The following KCND3 variants were observed in gnomAD, a reference collection of about 807,000 sequenced individuals.
The protein encoded by KCND3 is potassium voltage-gated channel subfamily D member 3.
In KCND3, 9 loss-of-function variants were observed where a neutral mutation model predicts 51.1. The observed-to-expected ratio is 0.18, with a 90% CI of 0.11 to 0.31. The LOEUF (loss-of-function observed/expected upper bound fraction) is 0.31. Among genes scored for constraint, KCND3 ranks in the 10% least tolerant of loss-of-function variants. The pLI is 1.00. For synonymous variants in KCND3, 349 were observed against 368.0 expected, an observed-to-expected ratio of 0.95 and a Z score of 0.59; for missense variants, 526 against 903.8, an observed-to-expected ratio of 0.58 and a Z score of 5.36.
At chr1:111,955,045 C>G (rs973247649) in intron 2 of KCND3, among the ~76,000 whole-genome samples, 12 of 152,186 alleles carry the variant, frequency 7.9e-5, no homozygotes, top group Non-Finnish European at 1.5e-4. Context: ...AACTCCAGGC[C>G]TTTCTTTGCA....
chr1:111,938,702 G>A (rs942319863), intron 2 of KCND3, among the ~76,000 whole-genome samples: 3 of 152,200 alleles, frequency 2.0e-5, no homozygotes, highest in Admixed American at 6.5e-5. Context: ...CCCTGAGGCA[G>A]GAACGTGCTT....
chr1:111,866,094 T>G (rs1229487895), intron 2 of KCND3, among the ~76,000 whole-genome samples: 1 of 152,116 alleles, frequency 6.6e-6, no homozygotes, highest in East Asian at 1.9e-4. Context: ...CTATTTTATT[T>G]TTTAGTTCTA....
chr1:111,872,073 A>G (rs1668849946), intron 2 of KCND3, among the ~76,000 whole-genome samples: 1 of 152,206 alleles, frequency 6.6e-6, no homozygotes, highest in Non-Finnish European at 1.5e-5. Flanking sequence ...CTAAAAATAA[A>G]ACCTTATATG....
At chr1:111,931,698 C>T (rs895905129) in intron 2 of KCND3, among the ~76,000 whole-genome samples, 42 of 152,230 alleles carry the variant, frequency 2.8e-4, no homozygotes, top group African/African-American at 9.9e-4. Flanking sequence ...CTTAGGGCAG[C>T]ATCGGCATAG....
At chr1:111,808,631 G>A (rs1343717992) in intron 2 of KCND3, among the ~76,000 whole-genome samples, 1 of 152,200 alleles carries the variant, frequency 6.6e-6, no homozygotes, top group Non-Finnish European at 1.5e-5. Context: ...GGTAAACAGG[G>A]AGCATGCACA....
At chr1:111,836,631 A>G (rs1453540341) in intron 2 of KCND3, among the ~76,000 whole-genome samples, 1 of 152,184 alleles carries the variant, frequency 6.6e-6, no homozygotes, top group Non-Finnish European at 1.5e-5. Context: ...CCCTGTGGGT[A>G]GCGGTATTAG....
intron 2 of KCND3, among the ~76,000 whole-genome samples, chr1:111,933,240 A>G (rs1278068382): frequency 6.6e-6 from 1 of 152,170 alleles, no homozygotes; most frequent in Non-Finnish European, 1.5e-5. Flanking sequence ...ACTGTGAGTC[A>G]ATTAAGCCTC....
chr1:111,963,306 G>A (rs1027556515), intron 2 of KCND3, among the ~76,000 whole-genome samples: 3 of 152,226 alleles, frequency 2.0e-5, no homozygotes, highest in Admixed American at 1.3e-4. Flanking sequence ...TAGAAAATAG[G>A]TCCTAAGGAG....
At chr1:111,938,929 T>C (rs1351621134) in intron 2 of KCND3, among the ~76,000 whole-genome samples, 1 of 152,208 alleles carries the variant, frequency 6.6e-6, no homozygotes, top group African/African-American at 2.4e-5. Context: ...AGGGAACCCC[T>C]GCAGCTCCAA....
intron 2 of KCND3, among the ~76,000 whole-genome samples, chr1:111,902,296 G>A (rs1005679993): frequency 2.0e-5 from 3 of 152,228 alleles, no homozygotes; most frequent in Admixed American, 6.5e-5. Flanking sequence ...GAGCAGGTGA[G>A]GAGGACGTGA....
intron 2 of KCND3, among the ~76,000 whole-genome samples, chr1:111,858,913 C>T (rs1668213114): frequency 6.6e-6 from 1 of 152,214 alleles, no homozygotes; most frequent in African/African-American, 2.4e-5. Flanking sequence ...CTCCCCTCTG[C>T]CTGGCATAAA....
At chr1:111,800,552 TAAA>T (rs71580591) in intron 2 of KCND3, among the ~76,000 whole-genome samples, 120 of 126,290 alleles carry the variant, frequency 9.5e-4, no homozygotes, top group African/African-American at 1.9e-3. Context: ...AAAATAAATT[TAAA>T]AAAAAAAAAA....
At chr1:111,940,766 C>A (rs142026298) in intron 2 of KCND3, among the ~76,000 whole-genome samples, 65 of 152,298 alleles carry the variant, frequency 4.3e-4, no homozygotes, top group African/African-American at 1.5e-3. Flanking sequence ...GCCAACGGTC[C>A]ACTGCACCCC....
At chr1:111,876,782 T>C (rs894971950) in intron 2 of KCND3, among the ~76,000 whole-genome samples, 2 of 152,086 alleles carry the variant, frequency 1.3e-5, no homozygotes, top group African/African-American at 4.8e-5. Context: ...CAAAGGGAAA[T>C]GTATAGGCTT....
rs117222213 is a variant in KCND3 at position 111,849,338 on chromosome 1, C to T, written c.1107-62232G>A. ...GCACCCAGAAACAGCACTCAGCCTC[C>T]GGGAAGCAGCAAGCAGGGGCTAAGC... is the stretch of plus-strand genomic sequence containing the variant. On this transcript the variant is annotated intron_variant, in intron 2 of 7. Coordinates refer to ENST00000302127, the MANE Select transcript of KCND3 (RefSeq NM_001378969.1). Among the ~76,000 whole-genome samples the T allele has an allele frequency of 4.1e-4, 63 of 152,348 alleles. No individual in the cohort carries two copies. The East Asian group carries it at 9.4e-3, about 23-fold the overall frequency.
intron 2 of KCND3, among the ~76,000 whole-genome samples, chr1:111,901,207 A>T (rs1670366604): frequency 6.8e-6 from 1 of 147,384 alleles, no homozygotes; most frequent in African/African-American, 2.5e-5. Flanking sequence ...TGCCCCAAAG[A>T]ATCTAGCAGC....
chr1:111,962,224 T>A lies in KCND3; in HGVS notation c.1106+19397A>T, dbSNP rs554230164. Reference sequence around the variant, plus strand: ...ACAGGTGGGTTTCTGTTTGATCACATTGTAAGAAAGTGGCAGAGCTGCAGA... The same window carrying A: ...ACAGGTGGGTTTCTGTTTGATCACAATGTAAGAAAGTGGCAGAGCTGCAGA... On this transcript the variant is annotated intron_variant, in intron 2 of 7. Transcript: ENST00000302127. Among the ~76,000 whole-genome samples, 139 of 152,322 alleles carry A rather than the reference T, an allele frequency of 9.1e-4. 1 individual carries two copies. The highest frequency in any genetic ancestry group is 2.9e-3 in the South Asian group (14 of 4,826).
intron 2 of KCND3, among the ~76,000 whole-genome samples, chr1:111,841,342 A>G (rs1181990137): frequency 2.0e-5 from 3 of 152,210 alleles, no homozygotes; most frequent in Non-Finnish European, 4.4e-5. Flanking sequence ...TGTACATTTC[A>G]GGCCTGCGTT....
Position 111,814,800 on chromosome 1 carries a change from C to A in KCND3, c.1107-27694G>T, listed in dbSNP as rs569468798. 7.4e-4 allele frequency among the ~76,000 whole-genome samples: 112 copies of A among 152,328 alleles called. 2 individuals carry two copies. Among genetic ancestry groups the A allele is most frequent in the African/African-American group, 2.5e-3 (106 of 41,584 alleles). The stretch of plus-strand genomic sequence containing the variant: ...GGCCCAGCAGCCCAGCTGCCCAGAT[C>A]CCATCCCGACGGCTATCTCCACAGC... On this transcript the variant is annotated intron_variant, in intron 2 of 7. Transcript: ENST00000302127.
Sources: allele counts gnomAD v4.1 joint callset (sites outside exome capture counted in the v4.1 genomes callset), GRCh38; gene constraint gnomAD v4.1.1; transcripts MANE v1.5; gene names NCBI Gene and HGNC (gene_info 2026-07-23, HGNC 2026-07-21).